EVC: variants seen among roughly 807,000 people sequenced by gnomAD.
EVC encodes EvC ciliary complex subunit 1.
In EVC, 116 loss-of-function variants were observed where a neutral mutation model predicts 118.9. The observed-to-expected ratio is 0.98, with a 90% CI of 0.84 to 1.14. The LOEUF is 1.14. Among genes scored for constraint, EVC ranks in the 50% most tolerant of loss-of-function variants. EVC has a pLI of 0.00. For missense variants in EVC, 1,401 were observed against 1,246.4 expected, an observed-to-expected ratio of 1.12 and a Z score of -1.87; for synonymous variants, 619 against 534.7, an observed-to-expected ratio of 1.16 and a Z score of -2.18.
At chr4:5,791,104 A>G (rs1373207575) in intron 12 of EVC, among the ~76,000 whole-genome samples, 1 of 152,226 alleles carries the variant, frequency 6.6e-6, no homozygotes, top group East Asian at 1.9e-4. Context: ...TCAAAAAGAA[A>G]AAAAGAAAAT....
intron 12 of EVC, among the ~76,000 whole-genome samples, chr4:5,788,606 A>G (rs1464068734): frequency 6.6e-6 from 1 of 152,208 alleles, no homozygotes; most frequent in Non-Finnish European, 1.5e-5. Flanking sequence ...CCTTGGGGTC[A>G]TCCTCGACTC....
intron 9 of EVC, among the ~76,000 whole-genome samples, chr4:5,753,561 G>T (rs954345127): frequency 6.6e-6 from 1 of 152,160 alleles, no homozygotes; most frequent in African/African-American, 2.4e-5. Flanking sequence ...ACCCTGGGGT[G>T]GGGGTGGGGC....
intron 18 of EVC, among the ~76,000 whole-genome samples, 162 bp downstream of exon 18, chr4:5,808,489 G>A (rs1490933401): frequency 1.3e-5 from 2 of 152,224 alleles, no homozygotes; most frequent in South Asian, 2.1e-4. Context: ...TGTCGGCCTC[G>A]CCTTAGGACC....
intron 11 of EVC, among the ~76,000 whole-genome samples, chr4:5,768,479 G>A (rs1210121277): frequency 1.3e-5 from 2 of 152,170 alleles, no homozygotes; most frequent in Admixed American, 1.3e-4. Context: ...AGACCTAATA[G>A]GCCTTCATAT....
chr4:5,741,632 A>G (rs901134335), intron 5 of EVC, 84 bp from the exon 6 acceptor site: 8 of 751,570 alleles, frequency 1.1e-5, no homozygotes. Flanking sequence ...TGGGGGAGGG[A>G]GGGAGAAGAG....
At chr4:5,778,182 G>A (rs1735009523) in intron 11 of EVC, among the ~76,000 whole-genome samples, 1 of 151,280 alleles carries the variant, frequency 6.6e-6, no homozygotes, top group African/African-American at 2.4e-5. Flanking sequence ...CATTTTTTAT[G>A]GCTGCATAGT....
intron 11 of EVC, among the ~76,000 whole-genome samples, chr4:5,775,604 T>C (rs1734607053): frequency 6.6e-6 from 1 of 152,216 alleles, no homozygotes; most frequent in Non-Finnish European, 1.5e-5. Flanking sequence ...CGTGTGGTTG[T>C]ATGTTGTAGT....
At chr4:5,761,870 A>C (rs1732083331) in intron 11 of EVC, among the ~76,000 whole-genome samples, 1 of 151,404 alleles carries the variant, frequency 6.6e-6, no homozygotes, top group African/African-American at 2.4e-5. Context: ...TTGGCCAAGA[A>C]GCCCCAACTG....
intron 19 of EVC, 104 bp downstream of exon 19, chr4:5,809,715 G>GA: frequency 1.9e-6 from 2 of 1,042,310 alleles, no homozygotes; most frequent in Non-Finnish European, 2.9e-6. Flanking sequence ...CTTAGGCATC[G>GA]TGCCTAGGCT....
At chr4:5,792,488 G>A (rs536663606) in intron 12 of EVC, among the ~76,000 whole-genome samples, 1 of 152,256 alleles carries the variant, frequency 6.6e-6, no homozygotes, top group Admixed American at 6.5e-5. Flanking sequence ...AGACTTGAAA[G>A]ACAAACAAAT....
chr4:5,793,727 G>A lies in EVC; in HGVS notation c.1886+10G>A, dbSNP rs1194224970. The A allele has an allele frequency of 1.3e-6, 2 of 1,542,888 alleles. No individual in the cohort carries two copies. Among genetic ancestry groups the A allele is most frequent in the South Asian group, 1.2e-5 (1 of 83,780 alleles). ...GCGGCCTCACTGAAGAGTGAGTACA[G>A]CTCCCTGAAGGCCCAGGGCTTTGTG... On this transcript the variant is annotated intron_variant, in intron 13 of 20. Transcript: ENST00000264956.
In EVC at chr4:5,798,841, G is replaced by A. The variant is rs1164455841; in HGVS notation, c.2304+49G>A. ...GGGACACCGAGGGCAAGAATGTTCAGGGTAGGGTCCATGCCTGGGTCTGCT... is the reference window on the plus strand; with the variant it reads ...GGGACACCGAGGGCAAGAATGTTCAAGGTAGGGTCCATGCCTGGGTCTGCT... On this transcript the variant is annotated intron_variant, in intron 15 of 20. Coordinates refer to ENST00000264956, the MANE Select transcript of EVC (RefSeq NM_153717.3). This position sits in a 1 kb window ranked among gnomAD's most constrained non-coding sequence, Gnocchi z 4.1. 1.3e-6 allele frequency: 2 copies of A among 1,578,236 alleles called. No individual in the cohort carries two copies. Among genetic ancestry groups the A allele is most frequent in the East Asian group, 2.3e-5 (1 of 43,612 alleles).
At chr4:5,718,881 C>T (rs2151838804) in intron 1 of EVC, among the ~76,000 whole-genome samples, 1 of 152,332 alleles carries the variant, frequency 6.6e-6, no homozygotes, top group South Asian at 2.1e-4. Flanking sequence ...TGTGCCATTT[C>T]TCATGCTTAG....
chr4:5,780,640 A>G (rs767311884), intron 11 of EVC, among the ~76,000 whole-genome samples: 1 of 152,180 alleles, frequency 6.6e-6, no homozygotes, highest in African/African-American at 2.4e-5. Context: ...GTAAGAAGAA[A>G]CTCTGTGGTC....
intron 17 of EVC, 65 bp from the exon 18 acceptor site, chr4:5,808,136 T>TACCAG: frequency 3.3e-6 from 1 of 306,556 alleles, no homozygotes; most frequent in East Asian, 8.2e-5. Context: ...TCCTTCTCCC[T>TACCAG]CCCTCCCTCC....
chr4:5,806,830 C>T (rs1361408973), intron 17 of EVC, among the ~76,000 whole-genome samples: 1 of 152,166 alleles, frequency 6.6e-6, no homozygotes, highest in African/African-American at 2.4e-5. Context: ...CCCTTTTCTC[C>T]ACATCCTCAC....
chr4:5,811,141 G>A lies in EVC; in HGVS notation c.*104G>A, dbSNP rs753484436. On this transcript the variant is annotated 3_prime_UTR_variant, in exon 21 of 21. Transcript: ENST00000264956. ...AGGCAGCGAGGACGGAGAGGACAGC[G>A]GCATCTCTAGGCTCTTCTGAGAGGG... 63 of 848,702 alleles carry A rather than the reference G, an allele frequency of 7.4e-5. No individual in the cohort carries two copies. The highest frequency in any genetic ancestry group is 1.1e-4 in the Non-Finnish European group (58 of 509,006). 52.6% of individuals were successfully genotyped at this position (848,702 alleles called of 1,614,324 possible).
chr4:5,828,562 T>G, the EVC span: 1 of 1,614,208 alleles, frequency 6.2e-7, no homozygotes, highest in Non-Finnish European at 8.5e-7. Flanking sequence ...GCCCATGCCC[T>G]TGTTGACGTT....
chr4:5,717,650 C>T (rs1179291685), intron 1 of EVC, among the ~76,000 whole-genome samples: 1 of 152,242 alleles, frequency 6.6e-6, no homozygotes, highest in Admixed American at 6.5e-5. Context: ...ACACAGGTTT[C>T]TCTCTATGCC....
Sources: allele counts gnomAD v4.1 joint callset (sites outside exome capture counted in the v4.1 genomes callset), GRCh38; gene constraint gnomAD v4.1.1; non-coding constraint Gnocchi (gnomAD v3.1); transcripts MANE v1.5; gene names NCBI Gene and HGNC (gene_info 2026-07-23, HGNC 2026-07-21).